MYH9: variants seen among roughly 807,000 people sequenced by gnomAD.
The protein encoded by MYH9 is myosin-9.
In MYH9, 29 loss-of-function variants were observed where a neutral mutation model predicts 241.9. That is an observed-to-expected ratio of 0.12 (90% CI 0.09 to 0.16). MYH9 has a LOEUF of 0.16. Among genes scored for constraint, MYH9 ranks in the 10% least tolerant of loss-of-function variants. The pLI, the probability that MYH9 is intolerant of heterozygous loss-of-function variation, is 1.00. For synonymous variants in MYH9, 1,047 were observed against 1,062.6 expected (o/e 0.99, Z 0.29); for missense variants, 1,803 against 2,595.5 (o/e 0.69, Z 6.63).
chr22:36,350,394 G>A (rs1302039813), intron 1 of MYH9, among the ~76,000 whole-genome samples: 3 of 152,160 alleles, frequency 2.0e-5, no homozygotes, highest in Non-Finnish European at 4.4e-5. Flanking sequence ...AAAATTAGCA[G>A]GGCGTGGTGG....
In MYH9 at chr22:36,341,391, C is replaced by T. The variant is rs1401567846; in HGVS notation, c.469G>A (p.Ala157Thr). Reference protein sequence around the residue: ...PPHIYAITDTAYRSMMQDRED... With the variant: ...PPHIYAITDTTYRSMMQDRED... ...CCACCTTGCATCATACTCCTGTAGG[C>T]GGTGTCTGTGATGGCATAGATGTGA... Residue 157 changes from alanine to threonine, a missense_variant, in exon 3 of 41, where the codon GCC becomes ACC. Transcript: ENST00000216181. The T allele has an allele frequency of 2.5e-6, 4 of 1,613,958 alleles. No individual in the cohort carries two copies. The highest frequency in any genetic ancestry group is 2.5e-6 in the Non-Finnish European group (3 of 1,179,884).
chr22:36,366,313 G>A (rs1283532176), intron 1 of MYH9, among the ~76,000 whole-genome samples: 3 of 151,924 alleles, frequency 2.0e-5, no homozygotes, highest in South Asian at 2.1e-4. Context: ...GGAGAGGAAC[G>A]ATCTGCCTAA....
chr22:36,373,038 C>G (rs2018112623), intron 1 of MYH9, among the ~76,000 whole-genome samples: 1 of 152,280 alleles, frequency 6.6e-6, no homozygotes, highest in Non-Finnish European at 1.5e-5. Context: ...AGGCCCACCC[C>G]CAAATACTCT....
intron 1 of MYH9, among the ~76,000 whole-genome samples, chr22:36,351,002 C>CT (rs1345841325): frequency 6.6e-6 from 1 of 152,206 alleles, no homozygotes; most frequent in African/African-American, 2.4e-5. Flanking sequence ...ACACCATGGG[C>CT]TTTTGTGCTT....
In MYH9 at chr22:36,314,271, C is replaced by T. The variant is rs1270194275; in HGVS notation, c.1428G>A (p.Leu476=). 1.9e-6 allele frequency: 3 copies of T among 1,614,248 alleles called. No homozygotes were observed. In the East Asian group the frequency reaches 6.7e-5, roughly 36 times the overall value. The change falls in exon 13 of 41, where the codon CTG becomes CTA. Residue 476 remains leucine, a synonymous_variant. Transcript: ENST00000216181. ...ACATGGTGTGGTTGAAGAGCTGCTG[C>T]AGCTTCTCATTGGTGTAATTGATGC... ...QLCINYTNEK[L]QQLFNHTMFI... is the part of the protein sequence containing the mutation.
At position 36,285,426 on chromosome 22, in the gene MYH9, C is replaced by T; in HGVS notation, c.5275-97G>A. On this transcript the variant is annotated intron_variant, in intron 37 of 40. Coordinates refer to ENST00000216181, the MANE Select transcript of MYH9 (RefSeq NM_002473.6). The surrounding 1 kb of genome is among the most constrained non-coding windows in gnomAD (Gnocchi z 7.0). Reference sequence around the variant, plus strand: ...AAGGTGGCAGCAGGATCCCACCAAACCCTTGGGGTCCAGAGTCTTGGGTCT... The same window carrying T: ...AAGGTGGCAGCAGGATCCCACCAAATCCTTGGGGTCCAGAGTCTTGGGTCT... 1 of 1,406,110 alleles carries T rather than the reference C, an allele frequency of 7.1e-7. No homozygotes were observed. Among genetic ancestry groups the T allele is most frequent in the Non-Finnish European group, 9.9e-7 (1 of 1,005,942 alleles). 87.1% of individuals were successfully genotyped at this position (1,406,110 alleles called of 1,614,324 possible).
chr22:36,333,704 T>A (rs1189071015), intron 3 of MYH9, among the ~76,000 whole-genome samples: 1 of 152,170 alleles, frequency 6.6e-6, no homozygotes, highest in African/African-American at 2.4e-5. Context: ...ATAACTTCAT[T>A]CCAGAAATCA....
At chr22:36,355,692 C>T (rs1403865149) in intron 1 of MYH9, among the ~76,000 whole-genome samples, 1 of 152,168 alleles carries the variant, frequency 6.6e-6, no homozygotes, top group African/African-American at 2.4e-5. Flanking sequence ...CATACATACT[C>T]ATTTTACAGG....
chr22:36,360,955 T>G lies in MYH9; in HGVS notation c.-19-11700A>C, dbSNP rs978559420. On this transcript the variant is annotated intron_variant, in intron 1 of 40. Coordinates refer to ENST00000216181, the MANE Select transcript of MYH9 (RefSeq NM_002473.6). Reference sequence around the variant, plus strand: ...GCAAAATGTCCTATCTGCTCACAGGTATGCACAAGGCCACTCTCTGCAATA... The same window carrying G: ...GCAAAATGTCCTATCTGCTCACAGGGATGCACAAGGCCACTCTCTGCAATA... 5.9e-5 allele frequency among the ~76,000 whole-genome samples: 9 copies of G among 152,182 alleles called. No individual in the cohort carries two copies. In the East Asian group the frequency reaches 1.5e-3, roughly 26 times the overall value.
rs1374687463 is a variant in MYH9 at position 36,306,944 on chromosome 22, G to C, written c.1844-337C>G. On this transcript the variant is annotated intron_variant, in intron 15 of 40. Transcript: ENST00000216181. The surrounding 1 kb of genome is among the most constrained non-coding windows in gnomAD (Gnocchi z 4.1). The stretch of plus-strand genomic sequence containing the variant: ...CTAGTCATGTATTTTGGAATAGTGA[G>C]AATTCTACTAGCCTGGCTCTAACGA... Among the ~76,000 whole-genome samples the C allele has an allele frequency of 1.3e-5, 2 of 152,128 alleles. No individual in the cohort carries two copies. Among genetic ancestry groups the C allele is most frequent in the African/African-American group, 4.8e-5 (2 of 41,412 alleles).
intron 2 of MYH9, among the ~76,000 whole-genome samples, chr22:36,345,083 C>A (rs978517978): frequency 7.2e-5 from 11 of 152,094 alleles, no homozygotes; most frequent in South Asian, 2.1e-4. Flanking sequence ...GAGGCCGAGG[C>A]GGGAGGATCA....
intron 3 of MYH9, among the ~76,000 whole-genome samples, chr22:36,332,567 A>G (rs2017438925): frequency 6.9e-6 from 1 of 145,638 alleles, no homozygotes; most frequent in African/African-American, 2.5e-5. Flanking sequence ...GTGATCTCCC[A>G]GGTGGAACCT....
intron 1 of MYH9, among the ~76,000 whole-genome samples, chr22:36,383,878 T>C (rs1208939713): frequency 6.6e-6 from 1 of 150,822 alleles, no homozygotes; most frequent in Non-Finnish European, 1.5e-5. Flanking sequence ...GAGAACCGCT[T>C]GAACCCAGGA....
chr22:36,307,858 A>G lies in MYH9; in HGVS notation c.1844-1251T>C, dbSNP rs189587846. Among the ~76,000 whole-genome samples, 325 of 151,938 alleles carry G rather than the reference A, an allele frequency of 2.1e-3. 3 individuals carry two copies. Among genetic ancestry groups the G allele is most frequent in the Non-Finnish European group, 1.5e-3 (99 of 67,946 alleles). ...AGCCGAGATTGCACCATGGCACTCC[A>G]GCCTGGGTGACAAGAACAAAACTCT... On this transcript the variant is annotated intron_variant, in intron 15 of 40. Transcript: ENST00000216181.
intron 1 of MYH9, among the ~76,000 whole-genome samples, chr22:36,361,962 C>A (rs113486626): frequency 6.6e-6 from 1 of 152,056 alleles, no homozygotes; most frequent in South Asian, 2.1e-4. Context: ...CCCAGCTACC[C>A]GGGAGGCTGA....
intron 1 of MYH9, among the ~76,000 whole-genome samples, chr22:36,381,494 C>A (rs779347306): frequency 1.4e-5 from 2 of 146,406 alleles, no homozygotes; most frequent in Non-Finnish European, 3.0e-5. Flanking sequence ...CCAGCCTGGG[C>A]AACAGAGCGA....
intron 3 of MYH9, among the ~76,000 whole-genome samples, chr22:36,340,602 A>C (rs1254625974): frequency 6.6e-6 from 1 of 151,836 alleles, no homozygotes; most frequent in East Asian, 1.9e-4. Flanking sequence ...CGGAGGTTGC[A>C]GTGAGCCAAG....
intron 1 of MYH9, among the ~76,000 whole-genome samples, chr22:36,355,787 C>T (rs895589766): frequency 1.3e-5 from 2 of 152,190 alleles, no homozygotes; most frequent in Non-Finnish European, 2.9e-5. Flanking sequence ...CCGTTTCCCC[C>T]TTAGCTGCCT....
chr22:36,324,133 G>A (rs1380427111), intron 5 of MYH9, among the ~76,000 whole-genome samples: 2 of 152,256 alleles, frequency 1.3e-5, no homozygotes, highest in Non-Finnish European at 2.9e-5. Flanking sequence ...TGGCTGGGAG[G>A]CGAACTGAGG....
Sources: allele counts gnomAD v4.1 joint callset (sites outside exome capture counted in the v4.1 genomes callset), GRCh38; gene constraint gnomAD v4.1.1; non-coding constraint Gnocchi (gnomAD v3.1); transcripts MANE v1.5; gene names NCBI Gene and HGNC (gene_info 2026-07-23, HGNC 2026-07-21).